Variants in DGKK observed in about 807,000 individuals in gnomAD.
The protein encoded by DGKK is diacylglycerol kinase kappa.
DGKK carries 35 observed loss-of-function variants against 92.2 expected under a neutral mutation model. The observed-to-expected ratio is 0.38, with a 90% CI of 0.29 to 0.50. The LOEUF is 0.50. Among genes scored for constraint, DGKK ranks in the 20% least tolerant of loss-of-function variants. DGKK has a pLI of 0.92. For missense variants in DGKK, 910 were observed against 992.2 expected, an observed-to-expected ratio of 0.92 and a Z score of 1.11; for synonymous variants, 368 against 360.6, an observed-to-expected ratio of 1.02 and a Z score of -0.23.
chrX:50,452,126 GA>G (rs1313679056), intron 1 of DGKK, among the ~76,000 whole-genome samples: 2 of 111,613 alleles, frequency 1.8e-5, no homozygotes, highest in Non-Finnish European at 3.8e-5. Context: ...CATAAATAAG[GA>G]AAATGAGACG....
Position 50,391,445 on chromosome X carries a change from G to A in DGKK, c.1836C>T (p.Ile612=), listed in dbSNP as rs1413005147. 9 of 1,211,175 alleles carry A rather than the reference G, an allele frequency of 7.4e-6. No homozygotes were observed. The highest frequency in any genetic ancestry group is 1.8e-5 in the South Asian group (1 of 56,914). Residue 612 remains isoleucine, a synonymous_variant, in exon 11 of 28, where the codon ATC becomes ATT. Coordinates refer to ENST00000611977, the MANE Select transcript of DGKK (RefSeq NM_001013742.4). Reference sequence around the variant, plus strand: ...GTCTTTCAGCCACTTACCTGTCTAGGATCCTCACACTAGCCTGCTCCACTC... The same window carrying A: ...GTCTTTCAGCCACTTACCTGTCTAGAATCCTCACACTAGCCTGCTCCACTC... ...LNRVEQASVR[I]LDRWSVMIRE...
At chrX:50,415,221 G>A (rs782086034) in intron 4 of DGKK, among the ~76,000 whole-genome samples, 14 of 112,019 alleles carry the variant, frequency 1.2e-4, no homozygotes, top group African/African-American at 3.6e-4. Flanking sequence ...GTTGCCACTC[G>A]TGTAGGTCTG....
chrX:50,443,704 T>TTGTGTGTGTGTG (rs58486620), intron 1 of DGKK, among the ~76,000 whole-genome samples: 1 of 99,560 alleles, frequency 1.0e-5, no homozygotes, highest in Non-Finnish European at 2.0e-5. Flanking sequence ...TGCACTCATT[T>TTGTGTGTGTGTG]TGTGTGTGTG....
In DGKK at chrX:50,461,463, G is replaced by T. The variant is rs184386809; in HGVS notation, c.645+8571C>A. Among the ~76,000 whole-genome samples the T allele has an allele frequency of 4.2e-3, 469 of 112,257 alleles. 3 individuals are homozygous for T. Among genetic ancestry groups the T allele is most frequent in the African/African-American group, 0.014 (442 of 31,007 alleles). ...ATCTCTGAGTGGTGGGGTACTAGAT[G>T]ATTTTTATTTACTTTTTAGAAGCTT... On this transcript the variant is annotated intron_variant, in intron 1 of 27. Coordinates refer to ENST00000611977, the MANE Select transcript of DGKK (RefSeq NM_001013742.4).
intron 4 of DGKK, among the ~76,000 whole-genome samples, chrX:50,417,770 C>T (rs1203516790): frequency 1.8e-5 from 2 of 110,536 alleles, no homozygotes; most frequent in Non-Finnish European, 3.8e-5. Context: ...CTTGTCTAAC[C>T]CATCCTGTAT....
chrX:50,462,322 T>C (rs1926764665), intron 1 of DGKK, among the ~76,000 whole-genome samples: 2 of 109,496 alleles, frequency 1.8e-5, no homozygotes, highest in African/African-American at 6.7e-5. Flanking sequence ...CTGGTGCCAT[T>C]TGAGAGGGAT....
At chrX:50,399,991 T>C (rs905034105) in intron 8 of DGKK, among the ~76,000 whole-genome samples, 7 of 111,776 alleles carry the variant, frequency 6.3e-5, no homozygotes, top group African/African-American at 9.7e-5. Flanking sequence ...GCCCAAGAAG[T>C]TGAGGGATTT....
chrX:50,470,620 G>T lies in DGKK; in HGVS notation c.59C>A (p.Pro20His), dbSNP rs782543765. 2.7e-5 allele frequency: 31 copies of T among 1,169,309 alleles called. No individual in the cohort carries two copies. The highest frequency in any genetic ancestry group is 3.5e-5 in the Non-Finnish European group (31 of 879,602). The change falls in exon 1 of 28, where the codon CCC becomes CAC. Residue 20 changes from proline to histidine, a missense_variant. Pro to His is a moderately conservative substitution (Grantham distance 77). Transcript: ENST00000611977. ...CGGCGGAGGCTCTGGAGACTCAGCGGGCTGCTCTCCATCCTGAGGCGGGGC... is the reference window on the plus strand; with the variant it reads ...CGGCGGAGGCTCTGGAGACTCAGCGTGCTGCTCTCCATCCTGAGGCGGGGC... ...GTAPPQDGEQ[P>H]AESPEPPPPW...
intron 1 of DGKK, among the ~76,000 whole-genome samples, chrX:50,463,271 T>TC (rs1365241791): frequency 2.3e-5 from 2 of 87,377 alleles, no homozygotes; most frequent in Non-Finnish European, 4.5e-5. Context: ...TTCACATTTC[T>TC]CCCCCCATCC....
intron 1 of DGKK, among the ~76,000 whole-genome samples, chrX:50,455,758 G>A (rs1181815581): frequency 8.9e-6 from 1 of 111,832 alleles, no homozygotes; most frequent in Non-Finnish European, 1.9e-5. Flanking sequence ...AAAGGAAAAT[G>A]TTCCTTAAAA....
chrX:50,422,800 T>C (rs782398257), intron 2 of DGKK, among the ~76,000 whole-genome samples: 28 of 112,393 alleles, frequency 2.5e-4, no homozygotes, highest in Non-Finnish European at 4.5e-4. Context: ...AGGCTTGAGT[T>C]GGTCAGCTCA....
intron 1 of DGKK, among the ~76,000 whole-genome samples, chrX:50,466,729 C>T (rs1249780205): frequency 9.0e-6 from 1 of 111,414 alleles, no homozygotes; most frequent in Admixed American, 9.5e-5. Flanking sequence ...CTGAGAAAGG[C>T]CACCCCTATT....
chrX:50,394,467 A>G (rs1385991099), intron 8 of DGKK, among the ~76,000 whole-genome samples: 2 of 111,925 alleles, frequency 1.8e-5, no homozygotes, highest in African/African-American at 6.5e-5. Context: ...TCACAGCTAC[A>G]AGGGGAGTCT....
intron 2 of DGKK, among the ~76,000 whole-genome samples, chrX:50,422,884 G>T (rs1925635232): frequency 8.9e-6 from 1 of 112,297 alleles, no homozygotes; most frequent in Non-Finnish European, 1.9e-5. Flanking sequence ...TAGAGAAACA[G>T]ATTGTGATAA....
At chrX:50,447,359 TATATATATATTATA>T (rs1569545060) in intron 1 of DGKK, among the ~76,000 whole-genome samples, 368 of 14,988 alleles carry the variant, frequency 0.025, 43 homozygotes, top group African/African-American at 0.17. Context: ...ATATATATAA[TATATATATATTATA>T]TATATATATA....
chrX:50,458,003 TTA>T (rs200755001), intron 1 of DGKK, among the ~76,000 whole-genome samples: 5,984 of 111,214 alleles, frequency 0.054, 406 homozygotes, highest in African/African-American at 0.18. Context: ...TTCTGGAATA[TTA>T]CAGGCCAAAA....
chrX:50,391,957 A>G (rs180746488), intron 10 of DGKK, among the ~76,000 whole-genome samples: 116 of 112,359 alleles, frequency 1.0e-3, no homozygotes, highest in Middle Eastern at 4.6e-3. Flanking sequence ...AAGGACAGTA[A>G]GGAGACATAG....
intron 1 of DGKK, among the ~76,000 whole-genome samples, chrX:50,448,591 G>T (rs1926423331): frequency 9.0e-6 from 1 of 110,951 alleles, no homozygotes; most frequent in South Asian, 3.8e-4. Context: ...TGCATGGAGG[G>T]CGTGAGGTAG....
chrX:50,451,551 A>C (rs1467223031), intron 1 of DGKK, among the ~76,000 whole-genome samples: 2 of 111,429 alleles, frequency 1.8e-5, no homozygotes, highest in African/African-American at 6.5e-5. Flanking sequence ...TATATGTAGA[A>C]TATATATATG....
Sources: gnomAD v4.1 joint callset for allele counts (sites outside exome capture counted in the v4.1 genomes callset) on GRCh38, gnomAD v4.1.1 for gene constraint, MANE v1.5 for transcripts, NCBI Gene and HGNC (gene_info 2026-07-23, HGNC 2026-07-21) for gene names.